TRIM37: variants seen among roughly 807,000 people sequenced by gnomAD.
The protein encoded by TRIM37 is E3 ubiquitin-protein ligase TRIM37.
TRIM37 carries 80 observed loss-of-function variants against 129.8 expected under a neutral mutation model. The ratio of observed to expected loss-of-function variants is 0.62; its 90% CI spans 0.51 to 0.74. TRIM37 has a LOEUF of 0.74. Ranked by LOEUF, TRIM37 falls within the 30% of genes least tolerant of loss-of-function variation. The pLI is 0.00. For missense variants in TRIM37, 1,054 were observed against 1,176.5 expected, an observed-to-expected ratio of 0.90 and a Z score of 1.52; for synonymous variants, 389 against 387.1, an observed-to-expected ratio of 1.00 and a Z score of -0.06.
intron 19 of TRIM37, among the ~76,000 whole-genome samples, chr17:59,026,220 G>T (rs2037232427): frequency 6.6e-6 from 1 of 152,128 alleles, no homozygotes; most frequent in South Asian, 2.1e-4. Context: ...CCATGGGCAA[G>T]CAAGTCAGAC....
At chr17:59,038,130 G>A (rs947669844) in intron 17 of TRIM37, among the ~76,000 whole-genome samples, 3 of 152,102 alleles carry the variant, frequency 2.0e-5, no homozygotes, top group Non-Finnish European at 4.4e-5. Context: ...GGTAATGTTT[G>A]CCAAGTTTCT....
chr17:58,996,822 A>G (rs867388518), downstream of TRIM37, among the ~76,000 whole-genome samples: 28 of 145,630 alleles, frequency 1.9e-4, 1 homozygote, highest in Admixed American at 9.0e-4. Context: ...GTGTGTGTGT[A>G]TGTATGTATA....
intron 24 of TRIM37, chr17:58,984,034 A>G (rs1482536927): frequency 6.6e-6 from 1 of 152,662 alleles, no homozygotes; most frequent in Non-Finnish European, 1.5e-5. Flanking sequence ...CACTGGGGCT[A>G]TTAATCCCAT....
chr17:59,087,990 A>G, intron 4 of TRIM37: 1 of 554,382 alleles, frequency 1.8e-6, no homozygotes, highest in Non-Finnish European at 3.2e-6. Flanking sequence ...CCCATTAAAC[A>G]GTTAACAGAA....
At chr17:59,038,765 C>T (rs991711614) in intron 17 of TRIM37, among the ~76,000 whole-genome samples, 1 of 152,204 alleles carries the variant, frequency 6.6e-6, no homozygotes, top group Non-Finnish European at 1.5e-5. Context: ...CCATACCAGA[C>T]AAGGATTAAG....
rs775538936 is a variant in TRIM37, at chr17:59,070,895, A to G, written c.737T>C (p.Met246Thr). Residue 246 changes from methionine (M) to threonine (T), a missense_variant, in exon 9 of 24, where the codon ATG becomes ACG. Around this residue, in one of 3 missense-constraint regions of TRIM37, gnomAD observed 752 missense variants for 870.8 expected, o/e 0.86. Coordinates refer to ENST00000262294, the MANE Select transcript of TRIM37 (RefSeq NM_015294.6). ...CTTCCGATGAACTTGCTGAAACATC[A>G]TAAGGATCTCTGAGCTCTTAGATAT... ...ELISKSSEIL[M>T]MFQQVHRKPM... is the part of the protein sequence containing the mutation. 3.0e-5 allele frequency: 49 copies of G among 1,614,116 alleles called. No individual in the cohort carries two copies. Among genetic ancestry groups the G allele is most frequent in the Middle Eastern group, 3.3e-4 (2 of 6,060 alleles).
chr17:59,078,725 A>G (rs1201898724), intron 7 of TRIM37, among the ~76,000 whole-genome samples: 1 of 152,228 alleles, frequency 6.6e-6, no homozygotes, highest in Non-Finnish European at 1.5e-5. Context: ...CATGAAATAT[A>G]TAAGTGGCAT....
chr17:58,976,863 G>C, the TRIM37 span, among the ~76,000 whole-genome samples: 3 of 152,124 alleles, frequency 2.0e-5, no homozygotes, highest in Non-Finnish European at 4.4e-5. Flanking sequence ...GTGTGACTCA[G>C]ATCACATTTA....
At chr17:59,081,964 A>AAAATAATAATAATAAT (rs1568200247) in intron 5 of TRIM37, among the ~76,000 whole-genome samples, 2 of 87,226 alleles carry the variant, frequency 2.3e-5, no homozygotes, top group African/African-American at 1.0e-4. Context: ...AAAAAAAAAA[A>AAAATAATAATAATAAT]AATAATAATA....
chr17:59,015,076 C>CAA (rs1005170663), intron 21 of TRIM37, among the ~76,000 whole-genome samples: 1 of 76,130 alleles, frequency 1.3e-5, no homozygotes. Context: ...GACTCCATCT[C>CAA]AAAAAAAAAA....
At chr17:59,073,685 G>C (rs1358870224) in intron 8 of TRIM37, among the ~76,000 whole-genome samples, 1 of 152,212 alleles carries the variant, frequency 6.6e-6, no homozygotes, top group Non-Finnish European at 1.5e-5. Context: ...CTGAAGCCTT[G>C]AATTCCTGGG....
At chr17:59,003,710 A>C (rs948382746) in intron 22 of TRIM37, among the ~76,000 whole-genome samples, 1 of 151,942 alleles carries the variant, frequency 6.6e-6, no homozygotes, top group African/African-American at 2.4e-5. Flanking sequence ...CAGCATATGA[A>C]AAACCAGGAA....
At chr17:59,070,720 G>A (rs761656208) in intron 9 of TRIM37, 103 bp downstream of exon 9, 11 of 1,174,506 alleles carry the variant, frequency 9.4e-6, no homozygotes, top group East Asian at 2.7e-5. Flanking sequence ...TAAAAGAAAA[G>A]AGAGAGAGAG....
intron 8 of TRIM37, among the ~76,000 whole-genome samples, chr17:59,074,620 TAAACCAAGAAAG>T (rs2146880900): frequency 6.6e-6 from 1 of 152,066 alleles, no homozygotes; most frequent in African/African-American, 2.4e-5. Flanking sequence ...ACAAAACAAG[TAAACCAAGAAAG>T]TGGAAACCAT....
At position 59,057,007 on chromosome 17, in the gene TRIM37, G is replaced by A; in HGVS notation, c.1067C>T (p.Thr356Ile). The A allele has an allele frequency of 1.2e-6, 2 of 1,613,674 alleles. No homozygotes were observed. The highest frequency in any genetic ancestry group is 1.7e-6 in the Non-Finnish European group (2 of 1,179,836). ...EMVHQSCNDP[T>I]KNIIREFASD... ...TGCAAATTCTCGAATGATATTTTTT[G>A]TAGGATCATTACAGGACTGGTGAAC... The change falls in exon 13 of 24, where the codon ACA becomes ATA. Residue 356 changes from threonine to isoleucine, a missense_variant. Thr to Ile is a moderately conservative substitution (Grantham distance 89, BLOSUM62 -1). Coordinates refer to ENST00000262294, the MANE Select transcript of TRIM37 (RefSeq NM_015294.6).
At chr17:59,089,936 CA>C (rs1260226310) in intron 3 of TRIM37, 1 of 151,808 alleles carries the variant, frequency 6.6e-6, no homozygotes, top group Non-Finnish European at 1.5e-5. Flanking sequence ...CTCATCTCTA[CA>C]AAAAATAAAC....
At chr17:59,067,989 T>C (rs554100646) in intron 9 of TRIM37, among the ~76,000 whole-genome samples, 29 of 152,340 alleles carry the variant, frequency 1.9e-4, no homozygotes, top group African/African-American at 5.1e-4. Flanking sequence ...CTAAAGGCAA[T>C]AGAAACACCA....
intron 8 of TRIM37, among the ~76,000 whole-genome samples, chr17:59,071,629 T>C (rs1281083187): frequency 6.6e-6 from 1 of 151,130 alleles, no homozygotes; most frequent in Non-Finnish European, 1.5e-5. Context: ...GTATTCTAGG[T>C]GACAGAATAC....
chr17:59,066,905 T>C (rs1841392329), intron 9 of TRIM37, among the ~76,000 whole-genome samples: 1 of 152,228 alleles, frequency 6.6e-6, no homozygotes, highest in South Asian at 2.1e-4. Context: ...GCCTAAAATA[T>C]AGCTGGCATA....
Sources: gnomAD v4.1 joint callset for allele counts (sites outside exome capture counted in the v4.1 genomes callset) on GRCh38, gnomAD v4.1.1 for gene constraint, gnomAD v4.1.1 regional missense constraint, MANE v1.5 for transcripts, NCBI Gene and HGNC (gene_info 2026-07-23, HGNC 2026-07-21) for gene names.